The following MORC3 variants were observed in gnomAD, a reference collection of about 807,000 sequenced individuals.
The protein encoded by MORC3 is MORC family CW-type zinc finger protein 3.
Under a neutral mutation model 109.1 loss-of-function variants are expected in MORC3, and 31 were observed. The observed-to-expected ratio is 0.28, with a 90% CI of 0.21 to 0.38. The LOEUF is 0.38. MORC3 is among the 10% of genes least tolerant of loss of function. MORC3 has a pLI of 1.00. For missense variants in MORC3, 867 were observed against 1,135.8 expected (o/e 0.76, Z 3.40); for synonymous variants, 395 against 380.7 (o/e 1.04, Z -0.44).
At chr21:36,332,229 G>A (rs2085324710) in intron 1 of MORC3, among the ~76,000 whole-genome samples, 1 of 152,148 alleles carries the variant, frequency 6.6e-6, no homozygotes, top group Non-Finnish European at 1.5e-5. Context: ...GAGGCCAGGA[G>A]TTTGAGACCA....
intron 2 of MORC3, 123 bp from the exon 3 acceptor site, chr21:36,336,751 A>G: frequency 1.0e-6 from 1 of 963,282 alleles, no homozygotes; most frequent in Non-Finnish European, 1.4e-6. Flanking sequence ...AAAGCTGCTA[A>G]AAATTGCAGC....
At position 36,337,975 on chromosome 21, in the gene MORC3, G is replaced by A. The variant is rs2085392721; in HGVS notation, c.460+29G>A. 3.1e-6 allele frequency: 5 copies of A among 1,598,468 alleles called. No homozygotes were observed. In the East Asian group the frequency reaches 1.1e-4, roughly 36 times the overall value. On this transcript the variant is annotated intron_variant, in intron 4 of 16. Coordinates refer to ENST00000400485, the MANE Select transcript of MORC3 (RefSeq NM_015358.3). ...TCCTTTTGGTTGTGAAATAAAAGCT[G>A]TGGAGAAACTGAAGAAATAATTTGG...
chr21:36,349,850 G>C (rs1456046011), intron 9 of MORC3, among the ~76,000 whole-genome samples: 3 of 152,216 alleles, frequency 2.0e-5, no homozygotes, highest in African/African-American at 7.2e-5. Context: ...GGAGCCTTAT[G>C]TTGTTGGAGC....
chr21:36,360,086 G>C lies in MORC3; in HGVS notation c.1331+9G>C, dbSNP rs868317813. On this transcript the variant is annotated intron_variant, in intron 11 of 16. Coordinates refer to ENST00000400485, the MANE Select transcript of MORC3 (RefSeq NM_015358.3). Reference sequence around the variant, plus strand: ...CCTGACCCACAGTTCAGGTACCATAGAGTTGGTAGTACCCTTTTTGGAAAG... The same window carrying C: ...CCTGACCCACAGTTCAGGTACCATACAGTTGGTAGTACCCTTTTTGGAAAG... The C allele has an allele frequency of 5.0e-6, 8 of 1,614,192 alleles. No homozygotes were observed. The highest frequency in any genetic ancestry group is 3.3e-5 in the Admixed American group (2 of 60,022).
At chr21:36,329,361 C>T (rs1338410208) in intron 1 of MORC3, among the ~76,000 whole-genome samples, 2 of 151,874 alleles carry the variant, frequency 1.3e-5, no homozygotes, top group African/African-American at 4.8e-5. Flanking sequence ...TGTCCTGGGC[C>T]ACATGCATCC....
At chr21:36,347,180 A>G (rs1396985521) in intron 8 of MORC3, among the ~76,000 whole-genome samples, 1 of 150,966 alleles carries the variant, frequency 6.6e-6, no homozygotes, top group East Asian at 1.9e-4. Context: ...TCTTAACTTT[A>G]TTCTGAGTTT....
chr21:36,336,306 G>A (rs1240289647), intron 2 of MORC3, among the ~76,000 whole-genome samples: 3 of 151,246 alleles, frequency 2.0e-5, no homozygotes, highest in East Asian at 3.9e-4. Context: ...GCAGTGGCAC[G>A]ATCTCCGCTC....
intron 9 of MORC3, among the ~76,000 whole-genome samples, chr21:36,354,833 C>CA (rs1411472334): frequency 6.6e-6 from 1 of 152,228 alleles, no homozygotes; most frequent in African/African-American, 2.4e-5. Context: ...CACTCATCTC[C>CA]ATCAAGTAGG....
intron 1 of MORC3, among the ~76,000 whole-genome samples, chr21:36,329,584 G>C (rs569410888): frequency 2.0e-5 from 3 of 152,212 alleles, no homozygotes; most frequent in Admixed American, 6.5e-5. Flanking sequence ...AAATTCTAAG[G>C]CTCTTCCAAC....
At chr21:36,366,506 G>A (rs749362134) in intron 14 of MORC3, among the ~76,000 whole-genome samples, 11 of 151,648 alleles carry the variant, frequency 7.3e-5, no homozygotes, top group Non-Finnish European at 1.3e-4. Flanking sequence ...CACCCAGCCT[G>A]GAGTGCAGTG....
At chr21:36,345,097 T>C in intron 8 of MORC3, 66 bp downstream of exon 8, 1 of 1,426,128 alleles carries the variant, frequency 7.0e-7, no homozygotes, top group Non-Finnish European at 9.5e-7. Context: ...TAATATATGC[T>C]CTTGAGTCAA....
At chr21:36,343,532 T>G (rs1227040732) in intron 6 of MORC3, among the ~76,000 whole-genome samples, 1 of 148,864 alleles carries the variant, frequency 6.7e-6, no homozygotes, top group South Asian at 2.2e-4. Context: ...CACCACAACC[T>G]CCGGCTCCTG....
chr21:36,364,361 T>C (rs1202367940), intron 14 of MORC3, 102 bp downstream of exon 14: 13 of 1,255,402 alleles, frequency 1.0e-5, no homozygotes, highest in East Asian at 9.7e-5. Context: ...GTAGGTTCCA[T>C]TGTGAATTGT....
intron 1 of MORC3, among the ~76,000 whole-genome samples, chr21:36,323,866 C>G (rs2085218943): frequency 6.6e-6 from 1 of 151,364 alleles, no homozygotes; most frequent in Admixed American, 6.6e-5. Flanking sequence ...TCCTACCTTG[C>G]TCTTACCATA....
At chr21:36,343,571 C>T (rs1034530891) in intron 6 of MORC3, among the ~76,000 whole-genome samples, 1 of 151,720 alleles carries the variant, frequency 6.6e-6, no homozygotes, top group African/African-American at 2.4e-5. Context: ...GGCACAGCCT[C>T]CTGAGTAGCC....
intron 1 of MORC3, among the ~76,000 whole-genome samples, chr21:36,326,551 A>G (rs1376086095): frequency 1.3e-5 from 2 of 152,148 alleles, no homozygotes; most frequent in Non-Finnish European, 2.9e-5. Context: ...TTTATTTCTT[A>G]CTGTGCCTTA....
intron 9 of MORC3, among the ~76,000 whole-genome samples, chr21:36,350,159 T>C (rs773793751): frequency 5.9e-5 from 9 of 151,726 alleles, no homozygotes; most frequent in Non-Finnish European, 1.3e-4. Flanking sequence ...TACAAAAAAT[T>C]AGCAAGGTGT....
Position 36,355,241 on chromosome 21 carries a change from G to A in MORC3, c.1104-1379G>A, listed in dbSNP as rs567745584. Among the ~76,000 whole-genome samples, 22 of 152,298 alleles carry A rather than the reference G, an allele frequency of 1.4e-4. No individual in the cohort carries two copies. In the South Asian group the frequency reaches 4.1e-3, roughly 29 times the overall value. ...TTAGAGACATTGTGTTTCGGGACAAGTAGACCACTTGGATGCCTTTGGTAT... is the reference window on the plus strand; with the variant it reads ...TTAGAGACATTGTGTTTCGGGACAAATAGACCACTTGGATGCCTTTGGTAT... On this transcript the variant is annotated intron_variant, in intron 9 of 16. Transcript: ENST00000400485.
intron 14 of MORC3, 34 bp from the exon 15 acceptor site, chr21:36,368,954 T>C (rs1309950787): frequency 4.0e-6 from 6 of 1,493,740 alleles, no homozygotes; most frequent in Admixed American, 2.2e-5. Context: ...CCATATTTTA[T>C]AATCTTATGT....
Sources: allele counts gnomAD v4.1 joint callset (sites outside exome capture counted in the v4.1 genomes callset), GRCh38; gene constraint gnomAD v4.1.1; transcripts MANE v1.5; gene names NCBI Gene and HGNC (gene_info 2026-07-23, HGNC 2026-07-21).